TBC1D2B: variants seen among roughly 807,000 people sequenced by gnomAD.
TBC1D2B encodes the protein TBC1 domain family member 2B, also known as TBC1 domain family, member 2B.
A neutral mutation model predicts 100.8 loss-of-function variants in TBC1D2B; 64 were observed. The observed-to-expected ratio is 0.64, with a 90% CI of 0.52 to 0.78. The LOEUF (loss-of-function observed/expected upper bound fraction) is 0.78. Ranked by LOEUF, TBC1D2B falls within the 30% of genes least tolerant of loss-of-function variation. The probability of loss-of-function intolerance (pLI) is 0.00; values close to 1 mark genes in which losing one functional copy is unlikely to be tolerated. For missense variants in TBC1D2B, 1,052 were observed against 1,218.4 expected (o/e 0.86, Z 2.03); for synonymous variants, 480 against 479.7 (o/e 1.00, Z -0.01).
rs148390415 is a variant in TBC1D2B, at chr15:78,005,913, G to C, written c.2389-2423C>G. 9.9e-3 allele frequency among the ~76,000 whole-genome samples: 1,509 copies of C among 152,228 alleles called. 33 individuals carry two copies. Among genetic ancestry groups the C allele is most frequent in the African/African-American group, 0.034 (1,427 of 41,530 alleles). On this transcript the variant is annotated intron_variant, in intron 10 of 12. Coordinates refer to ENST00000300584, the MANE Select transcript of TBC1D2B (RefSeq NM_144572.2). Reference sequence around the variant, plus strand: ...ATCTTAAATCCAGACATTTAAAATAGGTCTTCCCCTATAACAATACTACCA... The same window carrying C: ...ATCTTAAATCCAGACATTTAAAATACGTCTTCCCCTATAACAATACTACCA...
chr15:78,003,325 A>G lies in TBC1D2B; in HGVS notation c.2554T>C (p.Phe852Leu). The change falls in exon 11 of 13, where the codon TTC (phenylalanine) becomes CTC (leucine). Residue 852 changes from phenylalanine to leucine, a missense_variant. Phe to Leu is a conservative substitution (Grantham distance 22). Around this residue, in one of 4 missense-constraint regions of TBC1D2B, gnomAD observed 373 missense variants for 464.9 expected, o/e 0.80. Transcript: ENST00000300584. Reference sequence around the variant, plus strand: ...CTCACCTTTGGTCCTTCATAAAGGAAAGAGTCCCATATTTTAAAGAGGATG... The same window carrying G: ...CTCACCTTTGGTCCTTCATAAAGGAGAGAGTCCCATATTTTAAAGAGGATG... ...SDILFKIWDS[F>L]LYEGPKVIFR... is the part of the protein sequence containing the mutation. 6.2e-7 allele frequency: 1 copy of G among 1,613,820 alleles called. No homozygotes were observed. Among genetic ancestry groups the G allele is most frequent in the Non-Finnish European group, 8.5e-7 (1 of 1,179,838 alleles).
intron 3 of TBC1D2B, among the ~76,000 whole-genome samples, chr15:78,038,699 G>A (rs772624233): frequency 2.6e-5 from 4 of 152,158 alleles, no homozygotes; most frequent in East Asian, 1.9e-4. Context: ...AAATACAACC[G>A]GAGACATGGC....
At chr15:78,018,919 T>C (rs1792127323) in intron 6 of TBC1D2B, among the ~76,000 whole-genome samples, 1 of 152,194 alleles carries the variant, frequency 6.6e-6, no homozygotes, top group African/African-American at 2.4e-5. Context: ...ATTTAGTCTT[T>C]TATAAATGTG....
At chr15:78,014,832 A>C (rs1200210239) in intron 8 of TBC1D2B, among the ~76,000 whole-genome samples, 1 of 152,250 alleles carries the variant, frequency 6.6e-6, no homozygotes, top group Non-Finnish European at 1.5e-5. Flanking sequence ...GTATGTAAAA[A>C]GGTATCATCA....
chr15:78,019,449 G>A (rs1397352935), intron 6 of TBC1D2B, among the ~76,000 whole-genome samples: 1 of 152,114 alleles, frequency 6.6e-6, no homozygotes, highest in Non-Finnish European at 1.5e-5. Context: ...ACTCCCACTA[G>A]AACTTCGATA....
intron 10 of TBC1D2B, among the ~76,000 whole-genome samples, chr15:78,005,902 C>T (rs1464630722): frequency 6.6e-6 from 1 of 152,166 alleles, no homozygotes; most frequent in Non-Finnish European, 1.5e-5. Flanking sequence ...TAAATCCAGA[C>T]ATTTAAAATA....
Position 78,017,918 on chromosome 15 carries a change from T to C in TBC1D2B, c.1510A>G (p.Asn504Asp). The C allele has an allele frequency of 6.2e-7, 1 of 1,610,510 alleles. No homozygotes were observed. The highest frequency in any genetic ancestry group is 8.5e-7 in the Non-Finnish European group (1 of 1,178,232). Residue 504 changes from asparagine (N) to aspartate (D), a missense_variant, in exon 7 of 13, where the codon AAT (asparagine) becomes GAT (aspartate). Physicochemically the swap from Asn to Asp is conservative, Grantham distance 23. Around this residue, in one of 4 missense-constraint regions of TBC1D2B, gnomAD observed 627 missense variants for 646.1 expected, o/e 0.97. Transcript: ENST00000300584. ...QGYKTQNKFL[N>D]KEILELSALR... is the part of the protein sequence containing the mutation. ...GCTGAGAGTTCCAAAATCTCCTTAT[T>C]TAGAAATTTGTTTTGGGTTTTGTAC...
At position 78,056,686 on chromosome 15, in the gene TBC1D2B, C is replaced by CTTTTT. The variant is rs368714497; in HGVS notation, c.361-2504_361-2500dup. Among the ~76,000 whole-genome samples the CTTTTT allele has an allele frequency of 5.2e-4, 59 of 112,908 alleles. 1 individual carries two copies. The highest frequency in any genetic ancestry group is 2.1e-3 in the African/African-American group (52 of 25,290). 74.1% of individuals were successfully genotyped at this position (112,908 alleles called of 152,430 possible). On this transcript the variant is annotated intron_variant, in intron 1 of 12. Transcript: ENST00000300584. ...AGCCCAAAGCCCACCCAGTCCTCCTCTTTTTTTTTTTTTTTTTTTTTTTTT... is the reference window on the plus strand; with the variant it reads ...AGCCCAAAGCCCACCCAGTCCTCCTCTTTTTTTTTTTTTTTTTTTTTTTTTTTTTT...
At chr15:78,066,045 A>G in intron 1 of TBC1D2B, 1 of 471,014 alleles carries the variant, frequency 2.1e-6, no homozygotes, top group South Asian at 1.5e-5. Flanking sequence ...GGTGGTGGTG[A>G]TCATTGCAAT....
chr15:78,062,145 C>A (rs559807526), intron 1 of TBC1D2B, among the ~76,000 whole-genome samples: 1 of 152,230 alleles, frequency 6.6e-6, no homozygotes, highest in Admixed American at 6.5e-5. Flanking sequence ...CGTCTCCAGG[C>A]AGCAGGGAGT....
At position 78,016,636 on chromosome 15, in the gene TBC1D2B, C is replaced by T. The variant is rs148428590; in HGVS notation, c.1685G>A (p.Arg562Gln). Reference protein sequence around the residue: ...PVCSEDQGPTREVIAQLLEDA... With the variant: ...PVCSEDQGPTQEVIAQLLEDA... ...CTCCAGCAACTGGGCTATGACCTCC[C>T]GGGTGGGCCCCTGGTCTTCTGAGCA... The change falls in exon 8 of 13, where the codon CGG becomes CAG. Residue 562 changes from arginine to glutamine, a missense_variant. Arg to Gln is a conservative substitution (Grantham distance 43). This residue lies in a region of TBC1D2B where 373 missense variants were observed against 464.9 expected (regional missense o/e 0.80). Coordinates refer to ENST00000300584, the MANE Select transcript of TBC1D2B (RefSeq NM_144572.2). 1.5e-4 allele frequency: 238 copies of T among 1,612,630 alleles called. 1 individual carries two copies. The highest frequency in any genetic ancestry group is 1.8e-4 in the Non-Finnish European group (217 of 1,179,334).
At chr15:78,050,364 G>A (rs1192705537) in intron 2 of TBC1D2B, among the ~76,000 whole-genome samples, 2 of 152,220 alleles carry the variant, frequency 1.3e-5, no homozygotes, top group African/African-American at 4.8e-5. Flanking sequence ...TTGGGCATTT[G>A]AGCCTGCTAT....
At chr15:78,042,206 T>C (rs1417772316) in intron 3 of TBC1D2B, among the ~76,000 whole-genome samples, 3 of 152,210 alleles carry the variant, frequency 2.0e-5, no homozygotes, top group Non-Finnish European at 2.9e-5. Flanking sequence ...CATGTTCCTA[T>C]GCTCAAGGAC....
In TBC1D2B at chr15:78,054,297, T is replaced by C. The variant is rs560845180; in HGVS notation, c.361-110A>G. On this transcript the variant is annotated intron_variant, in intron 1 of 12. Transcript: ENST00000300584. The stretch of plus-strand genomic sequence containing the variant: ...TCAGCTTGCCATGTGAGAGTTAAGA[T>C]GAACAGATCAAGGAAACTTCAGTTA... 5.8e-4 allele frequency: 671 copies of C among 1,155,638 alleles called. 10 individuals carry two copies. Among genetic ancestry groups the C allele is most frequent in the South Asian group, 5.8e-3 (294 of 51,074 alleles). The allele number at this position is 1,155,638 out of a possible 1,614,324, so 71.6% of individuals were successfully genotyped here. A position where few individuals can be genotyped will look rare whatever the true frequency, so the allele number is the denominator to read the frequency against.
At chr15:78,054,271 T>C in intron 1 of TBC1D2B, 84 bp from the exon 2 acceptor site, 1 of 1,342,344 alleles carries the variant, frequency 7.4e-7, no homozygotes. Flanking sequence ...GAGTAGACTG[T>C]TCAGCTTGCC....
Position 78,013,267 on chromosome 15 carries a change from T to C in TBC1D2B, c.1826A>G (p.Glu609Gly). ...CGCGCGGACCTTGGCAACCAATTTC[T>C]CTTCCTCATCATCCTCAGGTACAGT... is the stretch of plus-strand genomic sequence containing the variant. The part of the protein sequence containing the change: ...FRTVPEDDEE[E>G]KLVAKVRALD... The change falls in exon 9 of 13, where the codon GAG (glutamate) becomes GGG (glycine). Residue 609 changes from glutamate to glycine, a missense_variant. Around this residue, in one of 4 missense-constraint regions of TBC1D2B, gnomAD observed 373 missense variants for 464.9 expected, o/e 0.80. Coordinates refer to ENST00000300584, the MANE Select transcript of TBC1D2B (RefSeq NM_144572.2). The C allele has an allele frequency of 6.2e-7, 1 of 1,613,966 alleles. No homozygotes were observed. The highest frequency in any genetic ancestry group is 1.3e-5 in the African/African-American group (1 of 75,034).
chr15:78,048,914 G>C (rs1325777917), intron 2 of TBC1D2B, among the ~76,000 whole-genome samples: 1 of 152,174 alleles, frequency 6.6e-6, no homozygotes, highest in Non-Finnish European at 1.5e-5. Flanking sequence ...ACTCAACCCA[G>C]GCTTGCAGCT....
At chr15:78,062,093 G>A (rs2073558013) in intron 1 of TBC1D2B, among the ~76,000 whole-genome samples, 1 of 152,140 alleles carries the variant, frequency 6.6e-6, no homozygotes, top group Non-Finnish European at 1.5e-5. Flanking sequence ...ACTTCAAACT[G>A]TAAGCCCCGG....
intron 4 of TBC1D2B, among the ~76,000 whole-genome samples, chr15:78,029,016 G>C (rs902203993): frequency 3.3e-5 from 5 of 151,904 alleles, no homozygotes; most frequent in Admixed American, 2.0e-4. Flanking sequence ...TAATACTAAG[G>C]ATTTATTGTA....
Sources: gnomAD v4.1 joint callset for allele counts (sites outside exome capture counted in the v4.1 genomes callset) on GRCh38, gnomAD v4.1.1 for gene constraint, gnomAD v4.1.1 regional missense constraint, MANE v1.5 for transcripts, NCBI Gene and HGNC (gene_info 2026-07-23, HGNC 2026-07-21) for gene names.